Variants in UROS observed in about 807,000 individuals in gnomAD.
UROS encodes uroporphyrinogen-III synthase.
In UROS, 18 loss-of-function variants were observed where a neutral mutation model predicts 33.0. The ratio of observed to expected loss-of-function variants is 0.55; its 90% CI spans 0.38 to 0.81. The LOEUF (loss-of-function observed/expected upper bound fraction) is 0.81. Ranked by LOEUF, UROS falls within the 30% of genes least tolerant of loss-of-function variation. The probability of loss-of-function intolerance (pLI) is 0.00; values close to 1 mark genes in which losing one functional copy is unlikely to be tolerated. For missense variants in UROS, 293 were observed against 314.9 expected (o/e 0.93, Z 0.53); for synonymous variants, 114 against 121.1 (o/e 0.94, Z 0.38).
intron 9 of UROS, among the ~76,000 whole-genome samples, chr10:125,791,026 A>C (rs1324510142): frequency 6.6e-6 from 1 of 150,794 alleles, no homozygotes; most frequent in East Asian, 2.0e-4. Flanking sequence ...CCAGAGGCGG[A>C]GGTTGCAGTG....
At chr10:125,800,290 C>T (rs543615360) in intron 6 of UROS, among the ~76,000 whole-genome samples, 4 of 152,338 alleles carry the variant, frequency 2.6e-5, no homozygotes, top group East Asian at 3.9e-4. Context: ...AGGGGCAGAA[C>T]GTCTGCCCGT....
chr10:125,815,055 C>G lies in UROS; in HGVS notation c.223G>C (p.Glu75Gln). ...TCACCTTCAGTTTTATTGTTTTGCT[C>G]CAAACATAACTCTGCTGCTTCCACT... ...RAVEAAELCL[E>Q]QNNKTEVWER... The change falls in exon 4 of 10, where the codon GAG becomes CAG. Residue 75 changes from glutamate to glutamine, a missense_variant. Glu to Gln is a conservative substitution (Grantham distance 29, BLOSUM62 2). Transcript: ENST00000368797. The G allele has an allele frequency of 6.2e-7, 1 of 1,614,148 alleles. No homozygotes were observed. The highest frequency in any genetic ancestry group is 1.7e-5 in the Admixed American group (1 of 60,024).
intron 8 of UROS, among the ~76,000 whole-genome samples, chr10:125,795,544 G>A (rs1298530058): frequency 6.6e-6 from 1 of 152,164 alleles, no homozygotes; most frequent in African/African-American, 2.4e-5. Context: ...TCCTGCCTGA[G>A]TCCTCCAACA....
Position 125,813,098 on chromosome 10 carries a change from T to C in UROS, c.245-810A>G, listed in dbSNP as rs551603847. Among the ~76,000 whole-genome samples, 61 of 152,278 alleles carry C rather than the reference T, an allele frequency of 4.0e-4. 1 individual carries two copies. The highest frequency in any genetic ancestry group is 1.4e-3 in the African/African-American group (60 of 41,534). On this transcript the variant is annotated intron_variant, in intron 4 of 9. Coordinates refer to ENST00000368797, the MANE Select transcript of UROS (RefSeq NM_000375.3). ...TTGCTTCCTACCCCATAAATATCAA[T>C]AGTATTTATTCAAAAGTTATCCATA...
chr10:125,790,601 G>C (rs1850852123), intron 9 of UROS, among the ~76,000 whole-genome samples: 1 of 151,870 alleles, frequency 6.6e-6, no homozygotes, highest in Non-Finnish European at 1.5e-5. Context: ...CTGAGGTCAG[G>C]AGTTCGAGAC....
rs549919665 is a variant in UROS at position 125,792,082 on chromosome 10, A to T, written c.660+2798T>A. The T allele has an allele frequency of 6.9e-4, 105 of 152,296 alleles. 1 individual carries two copies. Among genetic ancestry groups the T allele is most frequent in the African/African-American group, 2.4e-3 (101 of 41,554 alleles). The allele number at this position is 152,296 out of a possible 1,614,324, so 9.4% of individuals were successfully genotyped here. A position where few individuals can be genotyped will look rare whatever the true frequency, so the allele number is the denominator to read the frequency against. On this transcript the variant is annotated intron_variant, in intron 9 of 9. Coordinates refer to ENST00000368797, the MANE Select transcript of UROS (RefSeq NM_000375.3). The stretch of plus-strand genomic sequence containing the variant: ...GACCCCATCTCTAAAAAAATAAAAA[A>T]AAAATTTTTAAGTTTACATATTAAA...
In UROS at chr10:125,816,095, C is replaced by T. The variant is rs1033036758; in HGVS notation, c.147+82G>A. 7 of 1,291,992 alleles carry T rather than the reference C, an allele frequency of 5.4e-6. No homozygotes were observed. The African/African-American group carries it at 8.8e-5, about 16-fold the overall frequency. The allele number at this position is 1,291,992 out of a possible 1,614,324, so 80.0% of individuals were successfully genotyped here. A position where few individuals can be genotyped will look rare whatever the true frequency, so the allele number is the denominator to read the frequency against. ...AAAGTTTGGGAATAAAATAAGAAGA[C>T]AGTAAAATAGTCCCTCTCTGGCTTC... is the stretch of plus-strand genomic sequence containing the variant. On this transcript the variant is annotated intron_variant, in intron 3 of 9. Transcript: ENST00000368797.
Position 125,798,292 on chromosome 10 carries a change from C to T in UROS, c.395-147G>A. 3 of 782,892 alleles carry T rather than the reference C, an allele frequency of 3.8e-6. No individual in the cohort carries two copies. The Admixed American group carries it at 6.1e-5, about 16-fold the overall frequency. 48.5% of individuals were successfully genotyped at this position (782,892 alleles called of 1,614,324 possible). A position where few individuals can be genotyped will look rare whatever the true frequency, so the allele number is the denominator to read the frequency against. The stretch of plus-strand genomic sequence containing the variant: ...AGGACTCAGTTTCAGCATCTGTAAA[C>T]AGGAAGAGCACCTGCTACCTTGCCG... On this transcript the variant is annotated intron_variant, in intron 6 of 9. Coordinates refer to ENST00000368797, the MANE Select transcript of UROS (RefSeq NM_000375.3).
intron 9 of UROS, among the ~76,000 whole-genome samples, chr10:125,791,119 A>G (rs1296401656): frequency 6.6e-6 from 1 of 152,192 alleles, no homozygotes; most frequent in East Asian, 1.9e-4. Flanking sequence ...TGTATTCAGA[A>G]TAAGGAATTC....
At chr10:125,811,343 A>C (rs1269935733) in intron 5 of UROS, among the ~76,000 whole-genome samples, 1 of 152,224 alleles carries the variant, frequency 6.6e-6, no homozygotes, top group East Asian at 1.9e-4. Flanking sequence ...AAAATGATAA[A>C]AGAAAGTAAC....
chr10:125,806,596 A>C (rs1434771989), intron 6 of UROS, among the ~76,000 whole-genome samples: 2 of 152,226 alleles, frequency 1.3e-5, no homozygotes, highest in East Asian at 1.9e-4. Flanking sequence ...CAAAGCCCAA[A>C]ATATCCTTAA....
At position 125,814,393 on chromosome 10, in the gene UROS, T is replaced by C. The variant is rs539747523; in HGVS notation, c.244+641A>G. On this transcript the variant is annotated intron_variant, in intron 4 of 9. Coordinates refer to ENST00000368797, the MANE Select transcript of UROS (RefSeq NM_000375.3). ...CTGACTTGTTCTGTGCTTACTATCCTGGCCTCAGTTTTCTCAATGGTAACA... is the reference window on the plus strand; with the variant it reads ...CTGACTTGTTCTGTGCTTACTATCCCGGCCTCAGTTTTCTCAATGGTAACA... Among the ~76,000 whole-genome samples the C allele has an allele frequency of 3.1e-4, 47 of 152,314 alleles. 2 individuals carry two copies. In the South Asian group the frequency reaches 9.6e-3, roughly 31 times the overall value.
intron 5 of UROS, 30 bp downstream of exon 5, chr10:125,812,184 T>G: frequency 1.3e-6 from 2 of 1,599,714 alleles, no homozygotes; most frequent in South Asian, 2.2e-5. Context: ...AGCCATTTTT[T>G]GTTGTTTTAT....
rs528744177 is a variant in UROS at position 125,802,217 on chromosome 10, C to T, written c.395-4072G>A. 2.5e-5 allele frequency: 25 copies of T among 985,528 alleles called. No homozygotes were observed. The African/African-American group carries it at 3.7e-4, about 14-fold the overall frequency. 61.0% of individuals were successfully genotyped at this position (985,528 alleles called of 1,614,324 possible). ...TGTACCAGGAACCCCTGGAGCGAAC[C>T]CTCCACACTGATGTGTGGCTCCATG... On this transcript the variant is annotated intron_variant, in intron 6 of 9. Transcript: ENST00000368797.
chr10:125,786,219 T>A (rs1249110485), downstream of UROS, among the ~76,000 whole-genome samples: 1 of 151,718 alleles, frequency 6.6e-6, no homozygotes, highest in South Asian at 2.1e-4. Flanking sequence ...AAAGTAGGAA[T>A]GAAGTTTGGG....
rs752927700 is a variant in UROS at position 125,798,084 on chromosome 10, T to G, written c.456A>C (p.Pro152=). The G allele has an allele frequency of 5.6e-6, 9 of 1,613,942 alleles. No homozygotes were observed. The highest frequency in any genetic ancestry group is 7.6e-6 in the Non-Finnish European group (9 of 1,179,908). The change falls in exon 7 of 10, where the codon CCA becomes CCC. Residue 152 remains proline, a synonymous_variant. Coordinates refer to ENST00000368797, the MANE Select transcript of UROS (RefSeq NM_000375.3). ...PCGNLKREIL[P]KALKDKGIAM... Reference sequence around the variant, plus strand: ...ACTCGCCTTTGTCCTTGAGCGCTTTTGGCAGGATTTCTCTTTTGAGGTTTC... The same window carrying G: ...ACTCGCCTTTGTCCTTGAGCGCTTTGGGCAGGATTTCTCTTTTGAGGTTTC...
downstream of UROS, among the ~76,000 whole-genome samples, chr10:125,786,806 T>G (rs1246141678): frequency 2.0e-5 from 3 of 152,188 alleles, no homozygotes; most frequent in Non-Finnish European, 4.4e-5. Context: ...TTCACTTTCT[T>G]GAGCTGAGTA....
chr10:125,798,243 G>A, intron 6 of UROS, 98 bp from the exon 7 acceptor site: 1 of 1,261,420 alleles, frequency 7.9e-7, no homozygotes, highest in South Asian at 1.2e-5. Context: ...AGCAGCCCTG[G>A]GCTCCAGGCC....
At chr10:125,808,472 T>C (rs991943914) in intron 5 of UROS, among the ~76,000 whole-genome samples, 1 of 152,178 alleles carries the variant, frequency 6.6e-6, no homozygotes, top group Non-Finnish European at 1.5e-5. Flanking sequence ...TGTCTGAGCT[T>C]AGAAGAGCTA....
Sources: gnomAD v4.1 joint callset for allele counts (sites outside exome capture counted in the v4.1 genomes callset) on GRCh38, gnomAD v4.1.1 for gene constraint, MANE v1.5 for transcripts, NCBI Gene and HGNC (gene_info 2026-07-23, HGNC 2026-07-21) for gene names.